Variants in AGAP1 observed in about 807,000 individuals in gnomAD.
AGAP1 encodes the protein arf-GAP with GTPase, ANK repeat and PH domain-containing protein 1.
Under a neutral mutation model 105.3 loss-of-function variants are expected in AGAP1, and 29 were observed. That is an observed-to-expected ratio of 0.28 (90% confidence interval 0.21 to 0.38). The LOEUF (loss-of-function observed/expected upper bound fraction) is 0.38, where lower values mean the gene tolerates loss of function less well. Among genes scored for constraint, AGAP1 ranks in the 10% least tolerant of loss-of-function variants. AGAP1 has a pLI of 1.00. For synonymous variants in AGAP1, 509 were observed against 485.9 expected (o/e 1.05, Z -0.63); for missense variants, 998 against 1,165.1 (o/e 0.86, Z 2.09).
rs965537050 is a variant in AGAP1 at position 235,739,742 on chromosome 2, C to T, written c.311-1221C>T. On this transcript the variant is annotated intron_variant, in intron 3 of 17. Coordinates refer to ENST00000304032, the MANE Select transcript of AGAP1 (RefSeq NM_001037131.3). This position sits in a 1 kb window ranked among gnomAD's most constrained non-coding sequence, Gnocchi z 5.3. ...AGCCCTCTGTGGCCTCAGAGGGTAG[C>T]TGCCCGTCTGGAGGGCCTCGGACAC... 6.6e-6 allele frequency among the ~76,000 whole-genome samples: 1 copy of T among 152,200 alleles called. No individual in the cohort carries two copies. The highest frequency in any genetic ancestry group is 1.5e-5 in the Non-Finnish European group (1 of 68,048).
chr2:235,509,529 G>C (rs116704940), intron 1 of AGAP1, among the ~76,000 whole-genome samples: 1 of 152,044 alleles, frequency 6.6e-6, no homozygotes, highest in African/African-American at 2.4e-5. Flanking sequence ...CACCACGCCC[G>C]GCCAGAGGTG....
chr2:235,535,666 AT>A lies in AGAP1; in HGVS notation c.163+40818del, dbSNP rs2149082865. Among the ~76,000 whole-genome samples, 1 of 152,100 alleles carries A rather than the reference AT, an allele frequency of 6.6e-6. No individual in the cohort carries two copies. The highest frequency in any genetic ancestry group is 1.9e-4 in the East Asian group (1 of 5,136). On this transcript the variant is annotated intron_variant, in intron 1 of 17. Coordinates refer to ENST00000304032, the MANE Select transcript of AGAP1 (RefSeq NM_001037131.3). The surrounding 1 kb of genome is among the most constrained non-coding windows in gnomAD (Gnocchi z 5.1). ...GTCGCGCTCCAGCTCCAGCCCTTTAATGCTCTTTGCCATTCAAGCCACTCAC... is the reference window on the plus strand; with the variant it reads ...GTCGCGCTCCAGCTCCAGCCCTTTAAGCTCTTTGCCATTCAAGCCACTCAC...
At position 235,936,297 on chromosome 2, in the gene AGAP1, C is replaced by CGT. The variant is rs2052984632; in HGVS notation, c.1483+5374_1483+5375insGT. Among the ~76,000 whole-genome samples, 3 of 152,238 alleles carry CGT rather than the reference C, an allele frequency of 2.0e-5. No individual in the cohort carries two copies. The highest frequency in any genetic ancestry group is 7.2e-5 in the African/African-American group (3 of 41,528). On this transcript the variant is annotated intron_variant, in intron 12 of 17. Coordinates refer to ENST00000304032, the MANE Select transcript of AGAP1 (RefSeq NM_001037131.3). The surrounding 1 kb of genome is among the most constrained non-coding windows in gnomAD (Gnocchi z 4.7). ...TCTTCCACATGGAAGGAGTGTATCA[C>CGT]ATGTGTGTGTGTACGGGTGTATGCT...
intron 1 of AGAP1, among the ~76,000 whole-genome samples, chr2:235,683,188 T>C (rs773006902): frequency 3.6e-4 from 54 of 150,914 alleles, no homozygotes; most frequent in Middle Eastern, 3.4e-3. Flanking sequence ...ACACTTGTAA[T>C]CCCAGCTACT....
chr2:235,980,155 G>A (rs372790911), intron 13 of AGAP1, among the ~76,000 whole-genome samples: 2 of 152,138 alleles, frequency 1.3e-5, no homozygotes, highest in Non-Finnish European at 2.9e-5. Context: ...AATATTCCAC[G>A]CGTTTTTGAT....
rs562779620 is a variant in AGAP1, at chr2:235,534,976, C to T, written c.163+40127C>T. Among the ~76,000 whole-genome samples, 4 of 152,280 alleles carry T rather than the reference C, an allele frequency of 2.6e-5. No homozygotes were observed. In the East Asian group the frequency reaches 7.7e-4, roughly 29 times the overall value. On this transcript the variant is annotated intron_variant, in intron 1 of 17. Coordinates refer to ENST00000304032, the MANE Select transcript of AGAP1 (RefSeq NM_001037131.3). The stretch of plus-strand genomic sequence containing the variant: ...AGCGAGTGACAGTGGGAAGCAGACA[C>T]CAGCCCTTAGGGAGCAGCCCAGGAT...
chr2:236,086,587 A>C (rs1478067301), intron 16 of AGAP1, among the ~76,000 whole-genome samples: 1 of 152,238 alleles, frequency 6.6e-6, no homozygotes, highest in Non-Finnish European at 1.5e-5. Context: ...CATCCAAACA[A>C]AACTAACCGT....
intron 10 of AGAP1, among the ~76,000 whole-genome samples, chr2:235,898,436 A>G (rs1018217813): frequency 6.6e-5 from 10 of 151,930 alleles, no homozygotes; most frequent in Non-Finnish European, 1.3e-4. Context: ...GAAGGAGGAA[A>G]AAGCAGAAAA....
intron 6 of AGAP1, among the ~76,000 whole-genome samples, chr2:235,757,035 T>C (rs935901732): frequency 7.9e-5 from 12 of 152,226 alleles, no homozygotes; most frequent in African/African-American, 7.2e-5. Flanking sequence ...ACATTAGATA[T>C]ATGATCTGCA....
At chr2:235,831,614 C>A (rs1453788280) in intron 9 of AGAP1, among the ~76,000 whole-genome samples, 2 of 152,198 alleles carry the variant, frequency 1.3e-5, no homozygotes, top group Non-Finnish European at 2.9e-5. Context: ...TTTAAGCTTT[C>A]TCCATGTCTT....
rs1476168334 is a variant in AGAP1, at chr2:236,045,213, G to A, written c.1892-3846G>A. Among the ~76,000 whole-genome samples the A allele has an allele frequency of 3.9e-5, 6 of 152,194 alleles. No individual in the cohort carries two copies. The highest frequency in any genetic ancestry group is 8.8e-5 in the Non-Finnish European group (6 of 68,038). On this transcript the variant is annotated intron_variant, in intron 15 of 17. Transcript: ENST00000304032. The surrounding 1 kb of genome is among the most constrained non-coding windows in gnomAD (Gnocchi z 6.9). ...TTATAGGCAGGAGCCACTGTGCTGGGCCTAGTTTTTTTTATTTTTTCCTGC... is the reference window on the plus strand; with the variant it reads ...TTATAGGCAGGAGCCACTGTGCTGGACCTAGTTTTTTTTATTTTTTCCTGC...
In AGAP1 at chr2:235,769,487, C is replaced by G. The variant is rs1183889890; in HGVS notation, c.673+18999C>G. ...CGAGGAGATGGTGACAAGCCTCACT[C>G]AGGTCTTTGGTTTCTGTCCTCCTTC... On this transcript the variant is annotated intron_variant, in intron 6 of 17. Transcript: ENST00000304032. The surrounding 1 kb of genome is among the most constrained non-coding windows in gnomAD (Gnocchi z 4.4). 6.6e-6 allele frequency among the ~76,000 whole-genome samples: 1 copy of G among 152,222 alleles called. No homozygotes were observed. Among genetic ancestry groups the G allele is most frequent in the Non-Finnish European group, 1.5e-5 (1 of 68,046 alleles).
In AGAP1 at chr2:235,824,501, C is replaced by T. The variant is rs1027768712; in HGVS notation, c.1050+17170C>T. 6.6e-6 allele frequency among the ~76,000 whole-genome samples: 1 copy of T among 152,146 alleles called. No individual in the cohort carries two copies. The highest frequency in any genetic ancestry group is 2.1e-4 in the South Asian group (1 of 4,828). ...GAGATACTTGTAAACTCATTTACAG[C>T]GTCAGTGTGTGTTAGGACCATCATT... On this transcript the variant is annotated intron_variant, in intron 9 of 17. Transcript: ENST00000304032. This position sits in a 1 kb window ranked among gnomAD's most constrained non-coding sequence, Gnocchi z 5.2.
intron 1 of AGAP1, among the ~76,000 whole-genome samples, chr2:235,619,319 G>A (rs895269954): frequency 6.6e-6 from 1 of 151,908 alleles, no homozygotes; most frequent in South Asian, 2.1e-4. Flanking sequence ...ATCATGAAGT[G>A]GGGGAGCTGG....
chr2:235,775,308 T>A (rs1955779964), intron 6 of AGAP1, among the ~76,000 whole-genome samples: 1 of 152,182 alleles, frequency 6.6e-6, no homozygotes, highest in African/African-American at 2.4e-5. Flanking sequence ...ATAGCCTGTG[T>A]TTGGTGCCCT....
Position 236,120,248 on chromosome 2 carries a change from C to T in AGAP1, c.2171C>T (p.Pro724Leu), listed in dbSNP as rs746826800. The T allele has an allele frequency of 9.9e-6, 16 of 1,613,346 alleles. No individual in the cohort carries two copies. The highest frequency in any genetic ancestry group is 1.3e-5 in the African/African-American group (1 of 74,926). ...AKYEQKLFLA[P>L]LPCTELSLGQ... ...TACGAGCAGAAGCTCTTCCTGGCCC[C>T]GCTGCCCTGCACGGAGCTGTCCCTG... Residue 724 changes from proline (P) to leucine (L), a missense_variant, in exon 17 of 18, where the codon CCG becomes CTG. Physicochemically the swap from Pro to Leu is moderately conservative, Grantham distance 98. Coordinates refer to ENST00000304032, the MANE Select transcript of AGAP1 (RefSeq NM_001037131.3). The surrounding 1 kb of genome is among the most constrained non-coding windows in gnomAD (Gnocchi z 6.0).
chr2:235,852,107 G>A (rs1304921344), intron 9 of AGAP1, among the ~76,000 whole-genome samples: 1 of 152,164 alleles, frequency 6.6e-6, no homozygotes, highest in Non-Finnish European at 1.5e-5. Flanking sequence ...AATTTAGGGG[G>A]GAAATGGAAA....
At chr2:235,862,187 C>T (rs997795403) in intron 9 of AGAP1, among the ~76,000 whole-genome samples, 1 of 152,146 alleles carries the variant, frequency 6.6e-6, no homozygotes, top group Non-Finnish European at 1.5e-5. Flanking sequence ...ACGTGCAGCC[C>T]GGGACCATGA....
chr2:235,570,486 C>T (rs766984339), intron 1 of AGAP1, among the ~76,000 whole-genome samples: 2 of 152,190 alleles, frequency 1.3e-5, no homozygotes, highest in Non-Finnish European at 2.9e-5. Flanking sequence ...GCTTGGGTCC[C>T]TTTTAATGTG....
Sources: gnomAD v4.1 joint callset for allele counts (sites outside exome capture counted in the v4.1 genomes callset) on GRCh38, gnomAD v4.1.1 for gene constraint, Gnocchi (gnomAD v3.1) non-coding constraint, MANE v1.5 for transcripts, NCBI Gene and HGNC (gene_info 2026-07-23, HGNC 2026-07-21) for gene names.